The following RARA variants were observed in gnomAD, a reference collection of about 807,000 sequenced individuals.
RARA encodes retinoic acid receptor alpha.
In RARA, 5 loss-of-function variants were observed where a neutral mutation model predicts 42.8. That is an observed-to-expected ratio of 0.12 (90% confidence interval 0.06 to 0.25). RARA has a LOEUF of 0.25. RARA is among the 10% of genes least tolerant of loss of function. RARA has a pLI of 1.00. For missense variants in RARA, 402 were observed against 628.7 expected, an observed-to-expected ratio of 0.64 and a Z score of 3.86; for synonymous variants, 256 against 259.5, an observed-to-expected ratio of 0.99 and a Z score of 0.13.
chr17:40,313,749 C>T (rs911104632), intron 1 of RARA, among the ~76,000 whole-genome samples: 1 of 152,158 alleles, frequency 6.6e-6, no homozygotes, highest in Non-Finnish European at 1.5e-5. Flanking sequence ...AGTCATGGTG[C>T]ACCACCAATT....
At position 40,331,339 on chromosome 17, in the gene RARA, C is replaced by T. The variant is rs138781565; in HGVS notation, c.121C>T (p.Leu41=). 552 of 1,613,984 alleles carry T rather than the reference C, an allele frequency of 3.4e-4. 1 individual carries two copies. Among genetic ancestry groups the T allele is most frequent in the Admixed American group, 3.0e-4 (18 of 60,000 alleles). The change falls in exon 2 of 9, where the codon CTG becomes TTG. Residue 41 remains leucine, a synonymous_variant. Transcript: ENST00000254066. The stretch of plus-strand genomic sequence containing the variant: ...GGGTGGACTCTCCCCGCCAGGCGCT[C>T]TGACCACTCTCCAGCACCAGCTTCC... The part of the protein sequence containing the change: ...MLGGLSPPGA[L]TTLQHQLPVS...
At chr17:40,329,541 A>G (rs1000053941) in intron 1 of RARA, among the ~76,000 whole-genome samples, 2 of 152,190 alleles carry the variant, frequency 1.3e-5, no homozygotes, top group Non-Finnish European at 2.9e-5. Context: ...GCTGGTCTCA[A>G]ACTCCTGACC....
intron 2 of RARA, chr17:40,341,882 C>T (rs1567756788): frequency 9.8e-7 from 1 of 1,023,440 alleles, no homozygotes; most frequent in Non-Finnish European, 1.3e-6. Flanking sequence ...CCTCGCAGCC[C>T]CCTCCTCTCC....
intron 2 of RARA, among the ~76,000 whole-genome samples, chr17:40,335,557 G>A (rs1259452007): frequency 6.6e-6 from 1 of 152,064 alleles, no homozygotes; most frequent in Non-Finnish European, 1.5e-5. Context: ...AGGCGAGGTG[G>A]CACGTGTCTG....
intron 2 of RARA, among the ~76,000 whole-genome samples, chr17:40,343,816 C>T (rs1474977082): frequency 1.3e-5 from 2 of 152,154 alleles, no homozygotes; most frequent in Admixed American, 6.5e-5. Context: ...CTCCTTGTTG[C>T]CCCCTGCCTG....
In RARA at chr17:40,331,115, A is replaced by C. The variant is rs1598550369; in HGVS notation, c.-104A>C. The C allele has an allele frequency of 1.3e-5, 18 of 1,360,962 alleles. No homozygotes were observed. The East Asian group carries it at 4.2e-4, about 32-fold the overall frequency. The allele number at this position is 1,360,962 out of a possible 1,614,324, so 84.3% of individuals were successfully genotyped here. ...CAGGGCGGGTGGGCTGACCACCCAA[A>C]CCCCATCTGGGCCCAGGCCCCATGC... On this transcript the variant is annotated 5_prime_UTR_variant, in exon 2 of 9. Coordinates refer to ENST00000254066, the MANE Select transcript of RARA (RefSeq NM_000964.4).
intron 1 of RARA, among the ~76,000 whole-genome samples, chr17:40,330,288 C>G (rs1312315443): frequency 1.3e-5 from 2 of 152,136 alleles, no homozygotes; most frequent in African/African-American, 4.8e-5. Flanking sequence ...ACCTAGGAGT[C>G]CTTGGTTCCC....
intron 1 of RARA, among the ~76,000 whole-genome samples, chr17:40,311,956 C>T (rs2033103701): frequency 6.6e-6 from 1 of 152,236 alleles, no homozygotes; most frequent in Non-Finnish European, 1.5e-5. Context: ...TTTACAGAAG[C>T]CTACATCTCC....
At chr17:40,330,294 T>G (rs2033657565) in intron 1 of RARA, among the ~76,000 whole-genome samples, 1 of 152,142 alleles carries the variant, frequency 6.6e-6, no homozygotes, top group East Asian at 1.9e-4. Context: ...GAGTCCTTGG[T>G]TCCCATTTTC....
rs187880662 is a variant in RARA, at chr17:40,322,402, C to T, written c.-362-8455C>T. On this transcript the variant is annotated intron_variant, in intron 1 of 8. Transcript: ENST00000254066. Reference sequence around the variant, plus strand: ...CTCAGGACAGGGCAAGAGTGGGGCACGCCGGGGCTGGGTCCTCTGGCTGTT... The same window carrying T: ...CTCAGGACAGGGCAAGAGTGGGGCATGCCGGGGCTGGGTCCTCTGGCTGTT... Among the ~76,000 whole-genome samples the T allele has an allele frequency of 1.9e-3, 294 of 152,114 alleles. 2 individuals are homozygous for T. Among genetic ancestry groups the T allele is most frequent in the African/African-American group, 5.1e-3 (210 of 41,450 alleles).
chr17:40,338,556 C>A (rs1183860168), intron 2 of RARA, among the ~76,000 whole-genome samples: 1 of 152,024 alleles, frequency 6.6e-6, no homozygotes, highest in Non-Finnish European at 1.5e-5. Context: ...TAAAGCAAGA[C>A]TTCTGGCTGG....
rs1272857667 is a variant in RARA at position 40,349,781 on chromosome 17, C to T, written c.328-3C>T. On this transcript the variant is annotated splice_polypyrimidine_tract_variant and splice_region_variant and intron_variant, in intron 3 of 8. Transcript: ENST00000254066. ...AACCTGACTCCCTCCCCTCCATACC[C>T]AGGGCTTCTTCCGCCGCAGCATCCA... 1 of 1,613,974 alleles carries T rather than the reference C, an allele frequency of 6.2e-7. No individual in the cohort carries two copies. Among genetic ancestry groups the T allele is most frequent in the Non-Finnish European group, 8.5e-7 (1 of 1,179,958 alleles).
In RARA at chr17:40,354,571, A is replaced by G; in HGVS notation, c.1012+65A>G. ...GGGGTGCAGCCCTGGAGTCTCTTCC[A>G]GGGAGCTCTTTCAGGCCACCTCTGT... On this transcript the variant is annotated intron_variant, in intron 7 of 8. Coordinates refer to ENST00000254066, the MANE Select transcript of RARA (RefSeq NM_000964.4). The surrounding 1 kb of genome is among the most constrained non-coding windows in gnomAD (Gnocchi z 4.5). The G allele has an allele frequency of 1.3e-6, 2 of 1,560,552 alleles. No individual in the cohort carries two copies. The highest frequency in any genetic ancestry group is 1.1e-5 in the South Asian group (1 of 88,308).
chr17:40,324,277 T>G (rs2033475451), intron 1 of RARA, among the ~76,000 whole-genome samples: 1 of 152,032 alleles, frequency 6.6e-6, no homozygotes, highest in Admixed American at 6.5e-5. Flanking sequence ...CTCAGTAGGC[T>G]CATCTCTTCC....
chr17:40,319,037 G>GCACA (rs1367667266), intron 1 of RARA, among the ~76,000 whole-genome samples: 1 of 152,196 alleles, frequency 6.6e-6, no homozygotes, highest in East Asian at 1.9e-4. Context: ...ACCATGGGGT[G>GCACA]TGGGAACTTT....
intron 1 of RARA, among the ~76,000 whole-genome samples, chr17:40,315,761 C>T (rs1042735427): frequency 6.6e-6 from 1 of 152,190 alleles, no homozygotes; most frequent in African/African-American, 2.4e-5. Context: ...AGAACTGCCA[C>T]TGGCCCTGGT....
At chr17:40,318,979 C>T (rs1210942259) in intron 1 of RARA, among the ~76,000 whole-genome samples, 3 of 152,142 alleles carry the variant, frequency 2.0e-5, no homozygotes, top group Admixed American at 2.0e-4. Context: ...GAATTGGGTG[C>T]GGGAGCCAAT....
At chr17:40,315,171 T>TATATATATACACAC (rs1247793097) in intron 1 of RARA, among the ~76,000 whole-genome samples, 2 of 76,580 alleles carry the variant, frequency 2.6e-5, no homozygotes, top group African/African-American at 1.2e-4. Flanking sequence ...TATATATATA[T>TATATATATACACAC]ACACACACAC....
chr17:40,314,053 G>A (rs1250214228), intron 1 of RARA, among the ~76,000 whole-genome samples: 1 of 151,978 alleles, frequency 6.6e-6, no homozygotes, highest in Non-Finnish European at 1.5e-5. Flanking sequence ...CATATACTAG[G>A]CTGGTCTTAA....
Sources: allele counts gnomAD v4.1 joint callset (sites outside exome capture counted in the v4.1 genomes callset), GRCh38; gene constraint gnomAD v4.1.1; non-coding constraint Gnocchi (gnomAD v3.1); transcripts MANE v1.5; gene names NCBI Gene and HGNC (gene_info 2026-07-23, HGNC 2026-07-21).